MTMR10: variants seen among roughly 807,000 people sequenced by gnomAD.
MTMR10 encodes myotubularin related protein 10, also known as myotubularin-related protein 10.
A neutral mutation model predicts 88.1 loss-of-function variants in MTMR10; 56 were observed. That is an observed-to-expected ratio of 0.64 (90% confidence interval 0.51 to 0.79). The LOEUF (loss-of-function observed/expected upper bound fraction) is 0.79. Among genes scored for constraint, MTMR10 ranks in the 30% least tolerant of loss-of-function variants. The pLI is 0.00. For synonymous variants in MTMR10, 380 were observed against 340.9 expected (o/e 1.11, Z -1.26); for missense variants, 883 against 924.7 (o/e 0.95, Z 0.58).
the MTMR10 span, among the ~76,000 whole-genome samples, chr15:30,924,787 G>A: frequency 6.6e-6 from 1 of 152,078 alleles, no homozygotes; most frequent in Non-Finnish European, 1.5e-5. Context: ...AAGCTGCCTA[G>A]GTGATGTCCT....
Position 30,941,222 on chromosome 15 carries a change from G to T in MTMR10, c.*248C>A, listed in dbSNP as rs772107849. 6 of 1,402,250 alleles carry T rather than the reference G, an allele frequency of 4.3e-6. No individual in the cohort carries two copies. In the South Asian group the frequency reaches 6.1e-5, roughly 14 times the overall value. 86.9% of individuals were successfully genotyped at this position (1,402,250 alleles called of 1,614,324 possible). On this transcript the variant is annotated 3_prime_UTR_variant, in exon 16 of 16. Coordinates refer to ENST00000435680, the MANE Select transcript of MTMR10 (RefSeq NM_017762.3). ...GAGACAAAAATGTAGCAGACAACAT[G>T]AACAGTTTGATCACGGTTACAAGAG... is the stretch of plus-strand genomic sequence containing the variant.
At chr15:30,930,521 C>T in the MTMR10 span, 1 of 1,570,290 alleles carries the variant, frequency 6.4e-7, no homozygotes, top group Non-Finnish European at 8.6e-7. Flanking sequence ...AAGTGGCTAA[C>T]TGTCCTGTGT....
downstream of MTMR10, among the ~76,000 whole-genome samples, chr15:30,938,303 A>G (rs2062924432): frequency 6.6e-6 from 1 of 152,242 alleles, no homozygotes; most frequent in South Asian, 2.1e-4. Flanking sequence ...TTTAGCTGTT[A>G]AACTTTTATG....
Position 30,948,322 on chromosome 15 carries a change from G to A in MTMR10, c.1357C>T (p.Leu453=), listed in dbSNP as rs933697925. ...GTTACCTCTTTCTCTGATCTCTTTA[G>A]ATGGTTGCATCTGTCTAGAAACTGA... ...GYQFLDRCNH[L]KRSEKESPLF... is the part of the protein sequence containing the mutation. The change falls in exon 13 of 16, where the codon CTA becomes TTA. Residue 453 remains leucine, a synonymous_variant. Coordinates refer to ENST00000435680, the MANE Select transcript of MTMR10 (RefSeq NM_017762.3). The A allele has an allele frequency of 9.3e-6, 15 of 1,613,648 alleles. No homozygotes were observed. The African/African-American group carries it at 1.9e-4, about 20-fold the overall frequency.
At chr15:30,976,209 C>T (rs909626279) in intron 3 of MTMR10, among the ~76,000 whole-genome samples, 3 of 151,270 alleles carry the variant, frequency 2.0e-5, no homozygotes, top group Non-Finnish European at 4.4e-5. Context: ...AAGACCAATC[C>T]GGGCATCATA....
At chr15:30,920,672 G>T in the MTMR10 span, 1 of 1,422,394 alleles carries the variant, frequency 7.0e-7, no homozygotes, top group Non-Finnish European at 9.8e-7. Context: ...ACAGGTCCCT[G>T]CCCCCCACCA....
intron 14 of MTMR10, 157 bp downstream of exon 14, chr15:30,946,971 TTG>T (rs779573665): frequency 2.2e-4 from 206 of 952,956 alleles, no homozygotes; most frequent in Non-Finnish European, 3.0e-4. Flanking sequence ...TCCTAGATTT[TTG>T]TGTCTTCAAA....
At chr15:30,930,110 A>G in the MTMR10 span, among the ~76,000 whole-genome samples, 1 of 150,364 alleles carries the variant, frequency 6.7e-6, no homozygotes, top group East Asian at 1.9e-4. Context: ...ATGGAAACAT[A>G]CTAGGGTGTT....
rs754124812 is a variant in MTMR10 at position 30,941,740 on chromosome 15, TTCA to T, written c.2061_2063del (p.Asp687del). The T allele has an allele frequency of 1.2e-6, 2 of 1,613,942 alleles. No homozygotes were observed. The highest frequency in any genetic ancestry group is 2.2e-5 in the South Asian group (2 of 91,068). On this transcript the variant is annotated inframe_deletion, in exon 16 of 16. Coordinates refer to ENST00000435680, the MANE Select transcript of MTMR10 (RefSeq NM_017762.3). ...GCAGCATCCTGCTCAGTACGTCGACTTCATCAGCCAGGAGGGAGAGCTTGTGAA... is the reference window on the plus strand; with the variant it reads ...GCAGCATCCTGCTCAGTACGTCGACTTCAGCCAGGAGGGAGAGCTTGTGAA...
Position 30,941,144 on chromosome 15 carries a change from CTAA to C in MTMR10, c.*323_*325del. ...TCCTGTTGTCTGCTGCCTGGGGCTG[CTAA>C]TGTGACTGACTATCAGATAGCCTTC... is the stretch of plus-strand genomic sequence containing the variant. On this transcript the variant is annotated 3_prime_UTR_variant, in exon 16 of 16. Coordinates refer to ENST00000435680, the MANE Select transcript of MTMR10 (RefSeq NM_017762.3). 1 of 1,286,912 alleles carries C rather than the reference CTAA, an allele frequency of 7.8e-7. No homozygotes were observed. Among genetic ancestry groups the C allele is most frequent in the Non-Finnish European group, 1.0e-6 (1 of 991,872 alleles). The allele number at this position is 1,286,912 out of a possible 1,614,324, so 79.7% of individuals were successfully genotyped here.
At chr15:30,926,773 C>T in the MTMR10 span, 8 of 985,190 alleles carry the variant, frequency 8.1e-6, no homozygotes, top group South Asian at 4.7e-5. Context: ...GACGTGGGAG[C>T]GCTGAAATGC....
At chr15:30,955,869 T>C (rs923309205) in intron 9 of MTMR10, among the ~76,000 whole-genome samples, 3 of 152,096 alleles carry the variant, frequency 2.0e-5, no homozygotes, top group Non-Finnish European at 4.4e-5. Context: ...TAGGAGAGAA[T>C]GGGCTACTAT....
At chr15:30,977,310 G>A (rs948237750) in intron 2 of MTMR10, among the ~76,000 whole-genome samples, 8 of 152,156 alleles carry the variant, frequency 5.3e-5, no homozygotes, top group African/African-American at 1.9e-4. Context: ...ATTACTTGAT[G>A]GAATATTTGT....
chr15:30,953,656 A>G, intron 10 of MTMR10, 25 bp from the exon 11 acceptor site: 1 of 1,433,220 alleles, frequency 7.0e-7, no homozygotes, highest in Non-Finnish European at 9.5e-7. Context: ...ATACATACAC[A>G]TTTTTACTTT....
the MTMR10 span, chr15:30,920,549 C>G: frequency 8.7e-6 from 14 of 1,603,370 alleles, no homozygotes; most frequent in African/African-American, 1.9e-4. Flanking sequence ...TTTTAGATGC[C>G]ACGAAGATTT....
Position 30,943,130 on chromosome 15 carries a change from T to TTA in MTMR10, c.1549-59_1549-58insTA. ...TAAAGATTCTCTCATGAATGCCTTTTTTCAGATGAGCCACTCATCATTACA... is the reference window on the plus strand; with the variant it reads ...TAAAGATTCTCTCATGAATGCCTTTTTATTCAGATGAGCCACTCATCATTACA... On this transcript the variant is annotated intron_variant, in intron 14 of 15. Transcript: ENST00000435680. 3 of 1,502,866 alleles carry TTA rather than the reference T, an allele frequency of 2.0e-6. No homozygotes were observed. In the South Asian group the frequency reaches 4.0e-5, roughly 20 times the overall value. 93.1% of individuals were successfully genotyped at this position (1,502,866 alleles called of 1,614,324 possible).
chr15:30,928,111 C>A, the MTMR10 span: 1 of 1,000,112 alleles, frequency 1.0e-6, no homozygotes, highest in Non-Finnish European at 1.2e-6. Context: ...TCCGGGAGGT[C>A]CCCTTAGGGA....
At chr15:30,926,797 A>G in the MTMR10 span, 1 of 985,324 alleles carries the variant, frequency 1.0e-6, no homozygotes, top group Non-Finnish European at 1.2e-6. Flanking sequence ...CAGTTGAGCC[A>G]TGAGCCTGAA....
At chr15:30,926,283 C>T in the MTMR10 span, among the ~76,000 whole-genome samples, 2 of 152,184 alleles carry the variant, frequency 1.3e-5, no homozygotes, top group Admixed American at 1.3e-4. Context: ...CTCTCCTGCC[C>T]CTTCCCTGGG....
Sources: allele counts gnomAD v4.1 joint callset (sites outside exome capture counted in the v4.1 genomes callset), GRCh38; gene constraint gnomAD v4.1.1; transcripts MANE v1.5; gene names NCBI Gene and HGNC (gene_info 2026-07-23, HGNC 2026-07-21).